DYRK4: variants seen among roughly 807,000 people sequenced by gnomAD.
DYRK4 encodes dual specificity tyrosine phosphorylation regulated kinase 4.
In DYRK4, 64 loss-of-function variants were observed where a neutral mutation model predicts 68.3. The observed-to-expected ratio is 0.94, with a 90% confidence interval of 0.77 to 1.15. The LOEUF is 1.15. DYRK4 is among the 50% of genes most tolerant of loss of function. DYRK4 has a pLI of 0.00. For synonymous variants in DYRK4, 274 were observed against 289.9 expected (o/e 0.95, Z 0.56); for missense variants, 740 against 764.7 (o/e 0.97, Z 0.38).
At chr12:4,567,133 A>G (rs1411361529) in intron 1 of DYRK4, among the ~76,000 whole-genome samples, 1 of 152,228 alleles carries the variant, frequency 6.6e-6, no homozygotes, top group Non-Finnish European at 1.5e-5. Flanking sequence ...AAATGTTAGC[A>G]TGACTTTTCT....
At chr12:4,581,061 C>A (rs1944837388) in intron 2 of DYRK4, 1 of 331,854 alleles carries the variant, frequency 3.0e-6, no homozygotes, top group South Asian at 2.4e-5. Context: ...TAAATAGGGA[C>A]CAGTCCTATT....
At chr12:4,609,107 G>C (rs1475245063) in intron 12 of DYRK4, among the ~76,000 whole-genome samples, 1 of 152,188 alleles carries the variant, frequency 6.6e-6, no homozygotes, top group African/African-American at 2.4e-5. Context: ...ACGTACTAAA[G>C]ACATAGGCAT....
chr12:4,596,716 T>C lies in DYRK4; in HGVS notation c.892T>C (p.Phe298Leu), dbSNP rs769863193. 6.2e-7 allele frequency: 1 copy of C among 1,614,006 alleles called. No individual in the cohort carries two copies. Among genetic ancestry groups the C allele is most frequent in the Non-Finnish European group, 8.5e-7 (1 of 1,179,996 alleles). The stretch of plus-strand genomic sequence containing the variant: ...CTTTCGCAATCACTTCTGCATCACC[T>C]TTGAGCTCCTGGGGTCAGCTGCCTT... ...FYFRNHFCIT[F>L]ELLGINLYEL... The change falls in exon 8 of 15, where the codon TTT (phenylalanine) becomes CTT (leucine). Residue 298 changes from phenylalanine to leucine, a missense_variant. Around this residue, in one of 3 missense-constraint regions of DYRK4, gnomAD observed 614 missense variants for 603.7 expected, o/e 1.02. Coordinates refer to ENST00000543431, the MANE Select transcript of DYRK4 (RefSeq NM_001394779.1).
At chr12:4,598,500 G>A (rs1945043794) in intron 8 of DYRK4, among the ~76,000 whole-genome samples, 2 of 152,210 alleles carry the variant, frequency 1.3e-5, no homozygotes, top group Non-Finnish European at 2.9e-5. Flanking sequence ...AAGATTCTCT[G>A]GCAAAAGCGA....
At chr12:4,568,764 C>T (rs1259497982) in intron 2 of DYRK4, among the ~76,000 whole-genome samples, 8 of 152,166 alleles carry the variant, frequency 5.3e-5, no homozygotes. Flanking sequence ...TGCCACTGCA[C>T]TGAAGTTAAA....
rs768309434 is a variant in DYRK4 at position 4,593,170 on chromosome 12, T to C, written c.627+5T>C. 1.2e-6 allele frequency: 2 copies of C among 1,612,400 alleles called. No individual in the cohort carries two copies. Among genetic ancestry groups the C allele is most frequent in the African/African-American group, 2.7e-5 (2 of 74,830 alleles). On this transcript the variant is annotated splice_donor_5th_base_variant and intron_variant, in intron 6 of 14. Coordinates refer to ENST00000543431, the MANE Select transcript of DYRK4 (RefSeq NM_001394779.1). ...GAGCATGGCTTCTATCTGAAGGTGA[T>C]GGGGGTGGGGGCCATGGGAACCTGC...
Position 4,588,824 on chromosome 12 carries a change from GAT to G in DYRK4, c.133-112_133-111del, listed in dbSNP as rs199552363. 1.5e-5 allele frequency: 14 copies of G among 940,894 alleles called. No individual in the cohort carries two copies. In the East Asian group the frequency reaches 3.2e-4, roughly 21 times the overall value. The allele number at this position is 940,894 out of a possible 1,614,324, so 58.3% of individuals were successfully genotyped here. A position where few individuals can be genotyped will look rare whatever the true frequency, so the allele number is the denominator to read the frequency against. On this transcript the variant is annotated intron_variant, in intron 2 of 14. Transcript: ENST00000543431. Reference sequence around the variant, plus strand: ...CCTCTCTTGGCTCTTCCCAGCTAAGGATTCAGGAGAGCTGGCCTCAAGCATAG... The same window carrying G: ...CCTCTCTTGGCTCTTCCCAGCTAAGGTCAGGAGAGCTGGCCTCAAGCATAG...
intron 1 of DYRK4, among the ~76,000 whole-genome samples, chr12:4,566,847 GC>G (rs1453714037): frequency 6.6e-6 from 1 of 152,156 alleles, no homozygotes; most frequent in African/African-American, 2.4e-5. Context: ...ACCTCCCCCA[GC>G]CCTACTGAGA....
intron 10 of DYRK4, chr12:4,602,471 C>T (rs1945092448): frequency 2.3e-6 from 3 of 1,293,194 alleles, no homozygotes; most frequent in African/African-American, 1.5e-5. Flanking sequence ...CCCTTTACTT[C>T]GATCTGAGAT....
chr12:4,590,613 C>T, intron 4 of DYRK4, 173 bp downstream of exon 4: 2 of 1,313,640 alleles, frequency 1.5e-6, no homozygotes, highest in Non-Finnish European at 9.7e-7. Flanking sequence ...CAAATAAGTC[C>T]TTGACCTTTT....
At chr12:4,562,515 T>G (rs770387331) in intron 1 of DYRK4, among the ~76,000 whole-genome samples, 1 of 152,220 alleles carries the variant, frequency 6.6e-6, no homozygotes, top group Non-Finnish European at 1.5e-5. Flanking sequence ...TATACTTCCA[T>G]GTTAAGATGC....
chr12:4,599,597 T>G, intron 9 of DYRK4, 110 bp from the exon 10 acceptor site: 1 of 733,060 alleles, frequency 1.4e-6, no homozygotes, highest in Non-Finnish European at 2.3e-6. Context: ...AGGATGCCCA[T>G]GGAGGTGGTC....
intron 2 of DYRK4, among the ~76,000 whole-genome samples, chr12:4,573,556 A>T (rs191744854): frequency 1.6e-4 from 24 of 152,354 alleles, no homozygotes; most frequent in African/African-American, 5.5e-4. Flanking sequence ...TCTTCAGGCC[A>T]TGACAAATAG....
intron 5 of DYRK4, chr12:4,592,426 G>A (rs1288917145): frequency 1.3e-5 from 2 of 152,186 alleles, no homozygotes; most frequent in South Asian, 2.1e-4. Flanking sequence ...ATCAGTTACT[G>A]TGAATTTTAC....
intron 10 of DYRK4, chr12:4,602,083 C>T (rs1591804555): frequency 2.2e-6 from 1 of 451,350 alleles, no homozygotes; most frequent in African/African-American, 2.0e-5. Flanking sequence ...AAGGGTAGTT[C>T]TTGAACCACT....
rs757136554 is a variant in DYRK4, at chr12:4,604,905, C to T, written c.1127-9C>T. 5 of 1,580,658 alleles carry T rather than the reference C, an allele frequency of 3.2e-6. No individual in the cohort carries two copies. Among genetic ancestry groups the T allele is most frequent in the Middle Eastern group, 1.7e-4 (1 of 5,936 alleles). On this transcript the variant is annotated splice_polypyrimidine_tract_variant and intron_variant, in intron 10 of 14. Transcript: ENST00000543431. ...GTCCCACGAGGTTTCTCTTACTTTG[C>T]CTCCGCAGTATACACGTACATCCAA...
At chr12:4,604,682 C>G (rs1242522393) in intron 10 of DYRK4, among the ~76,000 whole-genome samples, 2 of 152,144 alleles carry the variant, frequency 1.3e-5, no homozygotes, top group Non-Finnish European at 2.9e-5. Flanking sequence ...ACGACAGTGC[C>G]CACGTTGGAG....
At chr12:4,573,299 G>A (rs1288479143) in intron 2 of DYRK4, 1 of 1,289,266 alleles carries the variant, frequency 7.8e-7, no homozygotes, top group East Asian at 5.5e-5. Context: ...CTGAAGGAGA[G>A]TTTTACATAG....
At chr12:4,604,299 T>C (rs1201262960) in intron 10 of DYRK4, among the ~76,000 whole-genome samples, 1 of 152,248 alleles carries the variant, frequency 6.6e-6, no homozygotes. Context: ...CACAGAATTA[T>C]GTTCTGACAA....
Sources: allele counts gnomAD v4.1 joint callset (sites outside exome capture counted in the v4.1 genomes callset), GRCh38; gene constraint gnomAD v4.1.1; regional missense constraint gnomAD v4.1.1; transcripts MANE v1.5; gene names NCBI Gene and HGNC (gene_info 2026-07-23, HGNC 2026-07-21).